The following PDSS1 variants were observed in gnomAD, a reference collection of about 807,000 sequenced individuals.
PDSS1 encodes all trans-polyprenyl-diphosphate synthase PDSS1.
Under a neutral mutation model 57.5 loss-of-function variants are expected in PDSS1, and 43 were observed. The observed-to-expected ratio is 0.75, with a 90% CI of 0.59 to 0.96. The LOEUF (loss-of-function observed/expected upper bound fraction) is 0.96, where lower values mean the gene tolerates loss of function less well. Among genes scored for constraint, PDSS1 ranks in the 50% least tolerant of loss-of-function variants. The pLI, the probability that PDSS1 is intolerant of heterozygous loss-of-function variation, is 0.00. For missense variants in PDSS1, 438 were observed against 527.8 expected, an observed-to-expected ratio of 0.83 and a Z score of 1.67; for synonymous variants, 175 against 191.3, an observed-to-expected ratio of 0.91 and a Z score of 0.70.
intron 8 of PDSS1, among the ~76,000 whole-genome samples, chr10:26,728,814 T>G (rs1836061704): frequency 7.4e-6 from 1 of 135,810 alleles, no homozygotes; most frequent in Non-Finnish European, 1.5e-5. Flanking sequence ...GGTATCACTC[T>G]GTCACCCACG....
intron 10 of PDSS1, among the ~76,000 whole-genome samples, chr10:26,738,810 G>A (rs904132112): frequency 6.6e-6 from 1 of 152,122 alleles, no homozygotes; most frequent in Non-Finnish European, 1.5e-5. Flanking sequence ...TCTCTCTTAA[G>A]GGGTTTCCTG....
rs149354760 is a variant in PDSS1 at position 26,731,555 on chromosome 10, A to G, written c.832-3685A>G. Among the ~76,000 whole-genome samples, 274 of 152,202 alleles carry G rather than the reference A, an allele frequency of 1.8e-3. 2 individuals are homozygous for G. Among genetic ancestry groups the G allele is most frequent in the Middle Eastern group, 3.4e-3 (1 of 294 alleles). ...GTGCCTGCAGGGTGAATTTAGGGGT[A>G]ATTGCACATGTGGTTTTGTTAGGCA... is the stretch of plus-strand genomic sequence containing the variant. On this transcript the variant is annotated intron_variant, in intron 8 of 11. Coordinates refer to ENST00000376215, the MANE Select transcript of PDSS1 (RefSeq NM_014317.5).
rs1030276804 is a variant in PDSS1 at position 26,697,825 on chromosome 10, C to G, written c.114C>G (p.Ala38=). The G allele has an allele frequency of 5.2e-6, 7 of 1,339,040 alleles. No individual in the cohort carries two copies. Among genetic ancestry groups the G allele is most frequent in the South Asian group, 3.8e-5 (2 of 52,552 alleles). 82.9% of individuals were successfully genotyped at this position (1,339,040 alleles called of 1,614,324 possible). Residue 38 remains alanine (A), a synonymous_variant, in exon 1 of 12, where the codon GCC becomes GCG. Transcript: ENST00000376215. ...RAGPLGPSAA[A]EVRAQVHRRK... is the part of the protein sequence containing the mutation. ...GACCGTTGGGGCCGAGCGCCGCTGC[C>G]GAAGTCCGCGCGCAGGTGAGGTTGG... is the stretch of plus-strand genomic sequence containing the variant.
chr10:26,716,213 G>A (rs556364130), intron 5 of PDSS1, among the ~76,000 whole-genome samples: 9 of 152,070 alleles, frequency 5.9e-5, no homozygotes, highest in Admixed American at 2.0e-4. Context: ...GATTGGAGGC[G>A]CCCTTGATAC....
At chr10:26,739,414 T>G (rs997580644) in intron 10 of PDSS1, among the ~76,000 whole-genome samples, 7 of 152,018 alleles carry the variant, frequency 4.6e-5, no homozygotes, top group African/African-American at 1.7e-4. Flanking sequence ...GACTGGGGAG[T>G]GCCCGGGGAA....
chr10:26,699,310 A>G (rs1834970964), intron 1 of PDSS1, among the ~76,000 whole-genome samples: 1 of 151,846 alleles, frequency 6.6e-6, no homozygotes, highest in Admixed American at 6.6e-5. Context: ...CAGACTTCAG[A>G]TATTTCTAGT....
At chr10:26,740,096 C>T (rs1588707711) in intron 10 of PDSS1, among the ~76,000 whole-genome samples, 2 of 148,276 alleles carry the variant, frequency 1.3e-5, no homozygotes, top group East Asian at 4.0e-4. Flanking sequence ...CAGCCAAGAT[C>T]GTGCCACTGC....
intron 10 of PDSS1, among the ~76,000 whole-genome samples, chr10:26,738,950 G>T (rs1476555584): frequency 1.3e-5 from 2 of 152,146 alleles, no homozygotes; most frequent in Non-Finnish European, 2.9e-5. Flanking sequence ...ATGTTAATTG[G>T]ATTTTGAAAG....
At chr10:26,729,959 CCGGAGTGCAG>C (rs1836116267) in intron 8 of PDSS1, among the ~76,000 whole-genome samples, 1 of 128,930 alleles carries the variant, frequency 7.8e-6, no homozygotes, top group South Asian at 2.6e-4. Context: ...TTCGCCCAGG[CCGGAGTGCAG>C]TGGCACTATC....
chr10:26,708,363 G>A (rs1835311587), intron 4 of PDSS1, among the ~76,000 whole-genome samples: 1 of 152,124 alleles, frequency 6.6e-6, no homozygotes, highest in African/African-American at 2.4e-5. Flanking sequence ...TGTCCTCTTT[G>A]TGAATCAGAA....
intron 8 of PDSS1, among the ~76,000 whole-genome samples, chr10:26,728,073 G>A (rs531659638): frequency 6.6e-5 from 10 of 152,170 alleles, no homozygotes; most frequent in East Asian, 1.9e-4. Flanking sequence ...GGATACTGTC[G>A]GGCCGGGCAC....
At chr10:26,745,071 C>T (rs1032988161) in intron 11 of PDSS1, among the ~76,000 whole-genome samples, 9 of 151,694 alleles carry the variant, frequency 5.9e-5, no homozygotes, top group African/African-American at 1.7e-4. Flanking sequence ...GGCTGAGGCA[C>T]GAGAATCCCT....
Position 26,723,855 on chromosome 10 carries a change from C to T in PDSS1, c.659C>T (p.Ala220Val). ...LILSAASIAL[A>V]RIGNTTVISI... ...CTTTCTGCAGCATCTATAGCTCTGG[C>T]ACGAATTGGAAATACAACTGTTATA... Residue 220 changes from alanine to valine, a missense_variant, in exon 7 of 12, where the codon GCA becomes GTA. Physicochemically the swap from Ala to Val is moderately conservative, Grantham distance 64. Transcript: ENST00000376215. 6.2e-7 allele frequency: 1 copy of T among 1,613,554 alleles called. No homozygotes were observed. The highest frequency in any genetic ancestry group is 8.5e-7 in the Non-Finnish European group (1 of 1,179,480).
At position 26,704,083 on chromosome 10, in the gene PDSS1, C is replaced by CAAAAAAAAAAAAAAAAAA. The variant is rs1203931422; in HGVS notation, c.163-592_163-575dup. On this transcript the variant is annotated intron_variant, in intron 2 of 11. Transcript: ENST00000376215. ...GACGACAGAACGAGACTCCGTCTCA[C>CAAAAAAAAAAAAAAAAAA]AAAAAAAAAAAAAAAAAAATATGGC... Among the ~76,000 whole-genome samples the CAAAAAAAAAAAAAAAAAA allele has an allele frequency of 5.8e-3, 179 of 30,946 alleles. 23 individuals carry two copies. The East Asian group carries it at 0.066, about 11-fold the overall frequency. The allele number at this position is 30,946 out of a possible 152,430, so 20.3% of individuals were successfully genotyped here.
chr10:26,743,367 T>C (rs1412589394), intron 11 of PDSS1, among the ~76,000 whole-genome samples: 1 of 152,214 alleles, frequency 6.6e-6, no homozygotes, highest in Non-Finnish European at 1.5e-5. Context: ...AGATCTGTAC[T>C]TAGTGTAGTA....
At chr10:26,734,732 C>G (rs1357086226) in intron 8 of PDSS1, 1 of 455,956 alleles carries the variant, frequency 2.2e-6, no homozygotes, top group East Asian at 6.9e-5. Context: ...AGGTGAAATT[C>G]CCAACGATGA....
Position 26,742,474 on chromosome 10 carries a change from G to T in PDSS1, c.1027-23G>T, listed in dbSNP as rs749192173. Reference sequence around the variant, plus strand: ...CAAGAGAAATAAATAGATTTTCTCAGATTTTCTCTCTTTTTTTGTTAGTTC... The same window carrying T: ...CAAGAGAAATAAATAGATTTTCTCATATTTTCTCTCTTTTTTTGTTAGTTC... On this transcript the variant is annotated intron_variant, in intron 10 of 11. Transcript: ENST00000376215. 17 of 1,555,458 alleles carry T rather than the reference G, an allele frequency of 1.1e-5. No individual in the cohort carries two copies. In the South Asian group the frequency reaches 1.9e-4, roughly 17 times the overall value.
At chr10:26,722,609 TG>T (rs1475107814) in intron 6 of PDSS1, among the ~76,000 whole-genome samples, 9 of 150,418 alleles carry the variant, frequency 6.0e-5, no homozygotes, top group Non-Finnish European at 1.0e-4. Context: ...GAGGCTGAGG[TG>T]GGGGGATTGC....
At position 26,742,544 on chromosome 10, in the gene PDSS1, A is replaced by T; in HGVS notation, c.1074A>T (p.Gly358=). 6.2e-7 allele frequency: 1 copy of T among 1,612,354 alleles called. No individual in the cohort carries two copies. The highest frequency in any genetic ancestry group is 8.5e-7 in the Non-Finnish European group (1 of 1,178,774). The change falls in exon 11 of 12, where the codon GGA becomes GGT. Residue 358 remains glycine, a synonymous_variant. Transcript: ENST00000376215. ...AMIMRRFSLP[G]DVDRARQYVL... ...TCATGCGACGGTTCAGTTTGCCTGG[A>T]GATGTAGACAGAGCTCGACAGTATG...
Sources: gnomAD v4.1 joint callset for allele counts (sites outside exome capture counted in the v4.1 genomes callset) on GRCh38, gnomAD v4.1.1 for gene constraint, MANE v1.5 for transcripts, NCBI Gene and HGNC (gene_info 2026-07-23, HGNC 2026-07-21) for gene names.